Variants in FLNB observed in about 807,000 individuals in gnomAD.
FLNB encodes the protein filamin B.
In FLNB, 111 loss-of-function variants were observed where a neutral mutation model predicts 250.6. The ratio of observed to expected loss-of-function variants is 0.44; its 90% CI spans 0.38 to 0.52. FLNB has a LOEUF of 0.52. FLNB is among the 20% of genes least tolerant of loss of function. The pLI, the probability that FLNB is intolerant of heterozygous loss-of-function variation, is 0.00. For missense variants in FLNB, 2,869 were observed against 3,447.8 expected, an observed-to-expected ratio of 0.83 and a Z score of 4.20; for synonymous variants, 1,302 against 1,372.1, an observed-to-expected ratio of 0.95 and a Z score of 1.13.
intron 1 of FLNB, among the ~76,000 whole-genome samples, chr3:58,057,412 A>G (rs75917808): frequency 5.3e-5 from 8 of 152,214 alleles, no homozygotes; most frequent in African/African-American, 1.9e-4. Flanking sequence ...GTCTGCCTCT[A>G]CCTAGCTTTA....
chr3:58,096,863 A>T (rs530678791), intron 6 of FLNB, among the ~76,000 whole-genome samples: 1 of 152,232 alleles, frequency 6.6e-6, no homozygotes, highest in South Asian at 2.1e-4. Context: ...GCTCTGGAGG[A>T]GCTGTCAGCA....
intron 43 of FLNB, 193 bp downstream of exon 43, chr3:58,163,523 T>A: frequency 4.9e-6 from 3 of 607,336 alleles, no homozygotes; most frequent in Non-Finnish European, 8.8e-6. Flanking sequence ...AAATCCAGAG[T>A]GAGAGCTCGA....
At position 58,109,338 on chromosome 3, in the gene FLNB, G is replaced by T; in HGVS notation, c.2199+16G>T. On this transcript the variant is annotated intron_variant, in intron 14 of 45. Transcript: ENST00000295956. ...CCCCTACAGGGTAGGTTGTGAGGCAGAATCCTGGCTGTTTTATGGAAATGC... is the reference window on the plus strand; with the variant it reads ...CCCCTACAGGGTAGGTTGTGAGGCATAATCCTGGCTGTTTTATGGAAATGC... 1 of 1,610,610 alleles carries T rather than the reference G, an allele frequency of 6.2e-7. No homozygotes were observed. The highest frequency in any genetic ancestry group is 8.5e-7 in the Non-Finnish European group (1 of 1,178,290).
rs563382903 is a variant in FLNB, at chr3:58,168,495, C to T, written c.7254C>T (p.Ser2418=). 270 of 1,614,208 alleles carry T rather than the reference C, an allele frequency of 1.7e-4. 4 individuals carry two copies. The South Asian group carries it at 2.7e-3, about 16-fold the overall frequency. ...CCCGAGCAGGTCCAGGGACATTATC[C>T]GTCACCATCGAAGGCCCATCCAAGG... The part of the protein sequence containing the change: ...NTTRAGPGTL[S]VTIEGPSKVK... The change falls in exon 44 of 46, where the codon TCC becomes TCT. Residue 2418 remains serine (S), a synonymous_variant. Coordinates refer to ENST00000295956, the MANE Select transcript of FLNB (RefSeq NM_001457.4).
intron 4 of FLNB, among the ~76,000 whole-genome samples, chr3:58,089,218 C>A (rs201402573): frequency 6.6e-6 from 1 of 151,894 alleles, no homozygotes; most frequent in East Asian, 1.9e-4. Flanking sequence ...AATCCTATGA[C>A]AAAAATTTTA....
At chr3:58,080,984 G>A (rs2097208504) in intron 3 of FLNB, among the ~76,000 whole-genome samples, 1 of 151,688 alleles carries the variant, frequency 6.6e-6, no homozygotes, top group Admixed American at 6.6e-5. Context: ...AGTAGAGACT[G>A]GGTTTTACCA....
intron 1 of FLNB, among the ~76,000 whole-genome samples, chr3:58,065,580 G>A (rs545039862): frequency 2.0e-5 from 3 of 152,374 alleles, no homozygotes; most frequent in African/African-American, 7.2e-5. Context: ...GGTGATGCAA[G>A]TGGCACAGGG....
At chr3:58,027,322 C>CTTTTT (rs5849231) in intron 1 of FLNB, among the ~76,000 whole-genome samples, 1 of 147,148 alleles carries the variant, frequency 6.8e-6, no homozygotes, top group South Asian at 2.2e-4. Flanking sequence ...CCAGCTAATT[C>CTTTTT]TTTTTTTTTT....
intron 1 of FLNB, among the ~76,000 whole-genome samples, chr3:58,076,520 C>T (rs1298009540): frequency 3.9e-5 from 6 of 152,152 alleles, no homozygotes; most frequent in Non-Finnish European, 1.5e-5. Context: ...AGTGGCGTGA[C>T]GTCAGCTCTC....
At chr3:58,020,048 GGTGTGTGTGTGTGTGT>G (rs373280518) in intron 1 of FLNB, among the ~76,000 whole-genome samples, 95 of 136,996 alleles carry the variant, frequency 6.9e-4, no homozygotes, top group South Asian at 3.3e-3. Flanking sequence ...ACACCACAGG[GGTGTGTGTGTGTGTGT>G]GTGTGTGTGT....
In FLNB at chr3:58,112,234, T is replaced by C; in HGVS notation, c.2661T>C (p.Pro887=). The change falls in exon 18 of 46, where the codon CCT becomes CCC. Residue 887 remains proline, a synonymous_variant. Transcript: ENST00000295956. The part of the protein sequence containing the change: ...KAPLNVQFNS[P]LPGDAVKDLD... ...CGCTCAACGTGCAGTTCAACAGCCC[T>C]CTTCCTGGCGATGCAGTGAAGGATT... 1 of 1,614,094 alleles carries C rather than the reference T, an allele frequency of 6.2e-7. No individual in the cohort carries two copies. The highest frequency in any genetic ancestry group is 8.5e-7 in the Non-Finnish European group (1 of 1,179,960).
intron 18 of FLNB, among the ~76,000 whole-genome samples, chr3:58,116,690 G>A (rs897621380): frequency 2.0e-5 from 3 of 152,132 alleles, no homozygotes; most frequent in Non-Finnish European, 2.9e-5. Flanking sequence ...TCAAAGACTC[G>A]GTTTTATAGA....
At chr3:58,124,960 CG>C (rs1480171602) in intron 22 of FLNB, among the ~76,000 whole-genome samples, 1 of 152,028 alleles carries the variant, frequency 6.6e-6, no homozygotes, top group Non-Finnish European at 1.5e-5. Context: ...TTCTGTTTCA[CG>C]GGTTTCGCTT....
intron 1 of FLNB, 130 bp from the exon 2 acceptor site, chr3:58,076,916 C>A: frequency 9.0e-7 from 1 of 1,113,332 alleles, no homozygotes; most frequent in Non-Finnish European, 1.4e-6. Flanking sequence ...TTCAGCATTA[C>A]ATCATTTCAC....
chr3:58,087,562 C>T (rs1451999488), intron 4 of FLNB, among the ~76,000 whole-genome samples: 1 of 151,156 alleles, frequency 6.6e-6, no homozygotes, highest in African/African-American at 2.4e-5. Context: ...CAAGCGTTCT[C>T]CTGCCTCAGC....
At position 58,048,106 on chromosome 3, in the gene FLNB, TA is replaced by T. The variant is rs749091660; in HGVS notation, c.293-28931del. 4.8e-3 allele frequency among the ~76,000 whole-genome samples: 724 copies of T among 151,970 alleles called. 6 individuals carry two copies. Among genetic ancestry groups the T allele is most frequent in the African/African-American group, 0.016 (679 of 41,432 alleles). On this transcript the variant is annotated intron_variant, in intron 1 of 45. Coordinates refer to ENST00000295956, the MANE Select transcript of FLNB (RefSeq NM_001457.4). ...CTCCCAAGTGTCCTTTATGACAGTT[TA>T]AAAAAAAATGGCATTTTTTGGGATC...
intron 28 of FLNB, 54 bp from the exon 29 acceptor site, chr3:58,138,228 G>A (rs2097319910): frequency 1.9e-6 from 3 of 1,611,108 alleles, no homozygotes; most frequent in Non-Finnish European, 2.5e-6. Flanking sequence ...TTGTTCTTGG[G>A]CCTCCAGGAT....
intron 29 of FLNB, among the ~76,000 whole-genome samples, chr3:58,140,882 G>A (rs1025870369): frequency 2.1e-4 from 32 of 152,158 alleles, no homozygotes; most frequent in African/African-American, 7.5e-4. Flanking sequence ...TGGGATTACC[G>A]GCATGAGCCA....
chr3:58,166,058 C>T (rs2097369858), intron 43 of FLNB: 1 of 152,074 alleles, frequency 6.6e-6, no homozygotes, highest in Admixed American at 6.5e-5. Flanking sequence ...TTCTGCTGGT[C>T]CCCAGCTGTG....
Sources: allele counts gnomAD v4.1 joint callset (sites outside exome capture counted in the v4.1 genomes callset), GRCh38; gene constraint gnomAD v4.1.1; transcripts MANE v1.5; gene names NCBI Gene and HGNC (gene_info 2026-07-23, HGNC 2026-07-21).